The following ZFHX4 variants were observed in gnomAD, a reference collection of about 807,000 sequenced individuals.
ZFHX4 encodes the protein zinc finger homeobox protein 4.
In ZFHX4, 56 loss-of-function variants were observed where a neutral mutation model predicts 267.6. That is an observed-to-expected ratio of 0.21 (90% CI 0.17 to 0.26). The LOEUF (loss-of-function observed/expected upper bound fraction) is 0.26, where lower values mean the gene tolerates loss of function less well. Ranked by LOEUF, ZFHX4 falls within the 10% of genes least tolerant of loss-of-function variation. ZFHX4 has a pLI of 1.00. For synonymous variants in ZFHX4, 1,778 were observed against 1,665.6 expected, an observed-to-expected ratio of 1.07 and a Z score of -1.64; for missense variants, 4,332 against 4,420.0, an observed-to-expected ratio of 0.98 and a Z score of 0.56.
intron 4 of ZFHX4, among the ~76,000 whole-genome samples, chr8:76,817,312 G>A (rs1354403958): frequency 6.6e-6 from 1 of 152,114 alleles, no homozygotes; most frequent in Non-Finnish European, 1.5e-5. Flanking sequence ...CTGCTTCAAA[G>A]CAGCGTTTTC....
rs536821652 is a variant in ZFHX4 at position 76,772,176 on chromosome 8, G to A, written c.3094-6032G>A. ...AGGCATTTAGAACAGTGCCTAGTAC[G>A]TAAAAAGCACTCAGTAAAAGTTAAT... is the stretch of plus-strand genomic sequence containing the variant. On this transcript the variant is annotated intron_variant, in intron 3 of 10. Coordinates refer to ENST00000651372, the MANE Select transcript of ZFHX4 (RefSeq NM_024721.5). Among the ~76,000 whole-genome samples, 28 of 152,264 alleles carry A rather than the reference G, an allele frequency of 1.8e-4. No homozygotes were observed. In the South Asian group the frequency reaches 2.5e-3, roughly 14 times the overall value.
chr8:76,708,789 C>A (rs1808346952), intron 3 of ZFHX4, among the ~76,000 whole-genome samples: 1 of 152,066 alleles, frequency 6.6e-6, no homozygotes, highest in East Asian at 2.0e-4. Context: ...TTTTCTAAAC[C>A]CTAATTACTG....
chr8:76,705,559 C>T lies in ZFHX4; in HGVS notation c.1471C>T (p.Leu491Phe), dbSNP rs774162949. ...TGATGACGAGGAAGTATTAGGTGAA[C>T]TCACCGATAGTATTGGTAACAAAGA... The part of the protein sequence containing the change: ...ELDDEEVLGE[L>F]TDSIGNKDFP... The change falls in exon 2 of 11, where the codon CTC (leucine) becomes TTC (phenylalanine). Residue 491 changes from leucine to phenylalanine, a missense_variant. By Grantham distance (22) the Leu-to-Phe change is conservative (BLOSUM62 0). Coordinates refer to ENST00000651372, the MANE Select transcript of ZFHX4 (RefSeq NM_024721.5). 1.2e-6 allele frequency: 2 copies of T among 1,613,666 alleles called. No homozygotes were observed. The highest frequency in any genetic ancestry group is 2.2e-5 in the South Asian group (2 of 91,004).
intron 4 of ZFHX4, among the ~76,000 whole-genome samples, chr8:76,804,191 G>C (rs1216632743): frequency 1.3e-5 from 2 of 152,102 alleles, no homozygotes; most frequent in Non-Finnish European, 2.9e-5. Flanking sequence ...AATTTGTGAA[G>C]TTATGACACT....
intron 3 of ZFHX4, among the ~76,000 whole-genome samples, chr8:76,743,398 C>T (rs1250263796): frequency 6.6e-6 from 1 of 152,204 alleles, no homozygotes; most frequent in African/African-American, 2.4e-5. Flanking sequence ...CAGGTTTCTG[C>T]TGAGACAATT....
At chr8:76,778,730 C>A (rs1243055983) in intron 4 of ZFHX4, among the ~76,000 whole-genome samples, 2 of 152,184 alleles carry the variant, frequency 1.3e-5, no homozygotes, top group Admixed American at 1.3e-4. Context: ...TTTTTCCCCC[C>A]AGAGTGAGCT....
In ZFHX4 at chr8:76,707,631, G is replaced by C. The variant is rs1487437205; in HGVS notation, c.2676G>C (p.Leu892=). 2 of 1,613,804 alleles carry C rather than the reference G, an allele frequency of 1.2e-6. No individual in the cohort carries two copies. The highest frequency in any genetic ancestry group is 2.2e-5 in the South Asian group (2 of 91,066). ...TGTCCCTCCTTACTGCAGGAGAGCT[G>C]TCACCTTATATCAGTGACCCAGCGC... The part of the protein sequence containing the change: ...DDLSLLTAGE[L]SPYISDPALK... The change falls in exon 3 of 11, where the codon CTG becomes CTC. Residue 892 remains leucine (L), a synonymous_variant. Coordinates refer to ENST00000651372, the MANE Select transcript of ZFHX4 (RefSeq NM_024721.5).
intron 3 of ZFHX4, among the ~76,000 whole-genome samples, chr8:76,777,872 G>GTTTTTTTTTTTTTTTT (rs1810440054): frequency 7.1e-6 from 1 of 141,372 alleles, no homozygotes. Flanking sequence ...TTTTTTGTTT[G>GTTTTTTTTTTTTTTTT]TTTTTGTTTT....
At position 76,855,613 on chromosome 8, in the gene ZFHX4, C is replaced by G; in HGVS notation, c.8692C>G (p.Arg2898Gly). 6.2e-7 allele frequency: 1 copy of G among 1,613,746 alleles called. No individual in the cohort carries two copies. Among genetic ancestry groups the G allele is most frequent in the African/African-American group, 1.3e-5 (1 of 75,016 alleles). Residue 2898 changes from arginine to glycine, a missense_variant, in exon 10 of 11, where the codon CGC becomes GGC. This residue lies in a region of ZFHX4 where 1,648 missense variants were observed against 1,625.0 expected (regional missense o/e 1.01). Coordinates refer to ENST00000651372, the MANE Select transcript of ZFHX4 (RefSeq NM_024721.5). The part of the protein sequence containing the change: ...ITDDPDDNAD[R>G]SETSSIADPS... ...AGATGACCCGGATGACAACGCCGAC[C>G]GCAGCGAAACGTCCAGCATAGCGGA...
At chr8:76,751,174 T>C (rs899970383) in intron 3 of ZFHX4, among the ~76,000 whole-genome samples, 5 of 152,142 alleles carry the variant, frequency 3.3e-5, no homozygotes, top group African/African-American at 1.2e-4. Flanking sequence ...GTCCCTCTCA[T>C]CTCTGTTCAC....
At chr8:76,711,297 T>C (rs1005554715) in intron 3 of ZFHX4, among the ~76,000 whole-genome samples, 1 of 152,300 alleles carries the variant, frequency 6.6e-6, no homozygotes, top group Middle Eastern at 3.4e-3. Context: ...CTACTAAATT[T>C]GGACTTTTCC....
intron 3 of ZFHX4, among the ~76,000 whole-genome samples, chr8:76,712,550 T>A (rs1808453906): frequency 6.6e-6 from 1 of 151,856 alleles, no homozygotes; most frequent in African/African-American, 2.4e-5. Flanking sequence ...ATTGTCCCGG[T>A]GTGATGGTAA....
intron 3 of ZFHX4, among the ~76,000 whole-genome samples, chr8:76,773,187 A>G (rs185278870): frequency 1.5e-3 from 226 of 152,250 alleles, no homozygotes; most frequent in Non-Finnish European, 2.2e-3. Flanking sequence ...CAAACTCCAT[A>G]TGACTATTTC....
chr8:76,841,545 A>G (rs533761497), intron 5 of ZFHX4, among the ~76,000 whole-genome samples: 1 of 152,260 alleles, frequency 6.6e-6, no homozygotes. Flanking sequence ...CTCTGCATAA[A>G]AGCTCTGCTT....
In ZFHX4 at chr8:76,847,444, G is replaced by C. The variant is rs559737937; in HGVS notation, c.3512-1551G>C. Among the ~76,000 whole-genome samples, 49 of 151,668 alleles carry C rather than the reference G, an allele frequency of 3.2e-4. 1 individual carries two copies. Among genetic ancestry groups the C allele is most frequent in the African/African-American group, 1.2e-3 (48 of 41,382 alleles). On this transcript the variant is annotated intron_variant, in intron 6 of 10. Coordinates refer to ENST00000651372, the MANE Select transcript of ZFHX4 (RefSeq NM_024721.5). The stretch of plus-strand genomic sequence containing the variant: ...ATCTAGAAATAACCTAAATTTCTCC[G>C]ACACATATATATATACATGAAGACA...
chr8:76,746,425 C>A (rs1377338666), intron 3 of ZFHX4, among the ~76,000 whole-genome samples: 1 of 152,096 alleles, frequency 6.6e-6, no homozygotes. Flanking sequence ...AAAAAACAAA[C>A]AAGAAATATT....
At chr8:76,789,067 T>C (rs1810768173) in intron 4 of ZFHX4, among the ~76,000 whole-genome samples, 1 of 152,244 alleles carries the variant, frequency 6.6e-6, no homozygotes, top group Non-Finnish European at 1.5e-5. Flanking sequence ...GCTGGCTTGA[T>C]ATTAAGTGAC....
chr8:76,696,648 A>C (rs1400996696), intron 1 of ZFHX4, among the ~76,000 whole-genome samples: 1 of 151,616 alleles, frequency 6.6e-6, no homozygotes, highest in Non-Finnish European at 1.5e-5. Context: ...AAAAAAAAAA[A>C]AAACTCAAAT....
intron 4 of ZFHX4, among the ~76,000 whole-genome samples, chr8:76,788,231 A>G (rs1262411023): frequency 6.6e-6 from 1 of 152,056 alleles, no homozygotes; most frequent in East Asian, 1.9e-4. Flanking sequence ...GTCTTCTCAC[A>G]TTCTTTATGT....
Sources: gnomAD v4.1 joint callset for allele counts (sites outside exome capture counted in the v4.1 genomes callset) on GRCh38, gnomAD v4.1.1 for gene constraint, gnomAD v4.1.1 regional missense constraint, MANE v1.5 for transcripts, NCBI Gene and HGNC (gene_info 2026-07-23, HGNC 2026-07-21) for gene names.